HDAC9: variants seen among roughly 807,000 people sequenced by gnomAD.
HDAC9 encodes the protein histone deacetylase 9.
A neutral mutation model predicts 139.4 loss-of-function variants in HDAC9; 41 were observed. That is an observed-to-expected ratio of 0.29 (90% CI 0.23 to 0.38). The LOEUF is 0.38. HDAC9 is among the 10% of genes least tolerant of loss of function. HDAC9 has a pLI of 1.00. For synonymous variants in HDAC9, 517 were observed against 476.2 expected, an observed-to-expected ratio of 1.09 and a Z score of -1.12; for missense variants, 1,147 against 1,297.0, an observed-to-expected ratio of 0.88 and a Z score of 1.78.
chr7:18,456,559 A>G (rs1166737617), intron 1 of HDAC9, among the ~76,000 whole-genome samples: 1 of 152,084 alleles, frequency 6.6e-6, no homozygotes, highest in African/African-American at 2.4e-5. Flanking sequence ...GAGCTTATAT[A>G]TACTCACCAC....
chr7:18,312,266 T>G (rs1266858288), intron 1 of HDAC9, among the ~76,000 whole-genome samples: 1 of 152,204 alleles, frequency 6.6e-6, no homozygotes, highest in African/African-American at 2.4e-5. Flanking sequence ...CATCTTTTCC[T>G]TGGTTGTCTC....
At chr7:18,353,035 C>G (rs999913503) in intron 1 of HDAC9, among the ~76,000 whole-genome samples, 1 of 152,084 alleles carries the variant, frequency 6.6e-6, no homozygotes, top group Non-Finnish European at 1.5e-5. Context: ...GTCATAGCAT[C>G]TAAGGTTTCT....
chr7:18,167,841 C>A (rs1470386763), intron 2 of HDAC9, among the ~76,000 whole-genome samples: 1 of 152,082 alleles, frequency 6.6e-6, no homozygotes, highest in Non-Finnish European at 1.5e-5. Context: ...AACAGCTGGC[C>A]TCTCTCTACC....
At chr7:18,973,833 C>T (rs1003260602) in intron 24 of HDAC9, among the ~76,000 whole-genome samples, 1 of 152,122 alleles carries the variant, frequency 6.6e-6, no homozygotes, top group Non-Finnish European at 1.5e-5. Context: ...GGACTTTTGC[C>T]AAGATGTGAA....
chr7:18,736,215 A>G (rs1786878929), intron 13 of HDAC9, among the ~76,000 whole-genome samples: 2 of 152,184 alleles, frequency 1.3e-5, no homozygotes, highest in African/African-American at 4.8e-5. Flanking sequence ...TTCTAATTGA[A>G]TACCCTTTAT....
chr7:18,117,812 C>T (rs990114648), intron 1 of HDAC9, among the ~76,000 whole-genome samples: 2 of 152,122 alleles, frequency 1.3e-5, no homozygotes, highest in Non-Finnish European at 2.9e-5. Context: ...TACTTTGTTA[C>T]GGCAGCCCTA....
At chr7:18,623,922 G>C (rs1840917113) in intron 6 of HDAC9, among the ~76,000 whole-genome samples, 1 of 152,174 alleles carries the variant, frequency 6.6e-6, no homozygotes, top group Admixed American at 6.6e-5. Context: ...ATGGGCGACA[G>C]AGCAAGACTC....
chr7:18,164,073 G>A (rs1391789019), intron 2 of HDAC9, among the ~76,000 whole-genome samples: 2 of 152,116 alleles, frequency 1.3e-5, no homozygotes, highest in South Asian at 2.1e-4. Context: ...AAATTTCCTC[G>A]TGTACTTTTT....
chr7:18,138,643 G>A (rs1235064999), intron 1 of HDAC9, among the ~76,000 whole-genome samples: 2 of 151,916 alleles, frequency 1.3e-5, no homozygotes, highest in African/African-American at 2.4e-5. Flanking sequence ...GAGTGGGGCA[G>A]GCTGCAACCT....
Position 18,316,810 on chromosome 7 carries a change from C to G in HDAC9, c.-42+26295C>G, listed in dbSNP as rs190919889. Among the ~76,000 whole-genome samples, 1,198 of 151,812 alleles carry G rather than the reference C, an allele frequency of 7.9e-3. 3 individuals carry two copies. Among genetic ancestry groups the G allele is most frequent in the Non-Finnish European group, 0.011 (753 of 67,936 alleles). ...CCAGCCTGGGTGACAGAGCAAGCCTCTGTCTCAAAAATAAAAAATAAGAAA... is the reference window on the plus strand; with the variant it reads ...CCAGCCTGGGTGACAGAGCAAGCCTGTGTCTCAAAAATAAAAAATAAGAAA... On this transcript the variant is annotated intron_variant, in intron 1 of 3. Transcript: ENST00000413509.
intron 17 of HDAC9, among the ~76,000 whole-genome samples, chr7:18,797,039 A>G (rs1585053076): frequency 1.3e-5 from 2 of 152,230 alleles, no homozygotes; most frequent in East Asian, 1.9e-4. Context: ...TTATGATGTC[A>G]TGTTGCTAAT....
Position 18,975,890 on chromosome 7 carries a change from C to T in HDAC9, c.3107C>T (p.Thr1036Ile), listed in dbSNP as rs1238296362. 1.2e-6 allele frequency: 2 copies of T among 1,613,738 alleles called. No homozygotes were observed. The highest frequency in any genetic ancestry group is 1.7e-6 in the Non-Finnish European group (2 of 1,179,854). The stretch of plus-strand genomic sequence containing the variant: ...GCTCAGTTGCAAGAGGAGACAGAGA[C>T]CGTTTCTGCCCTGGCCTCCCTAACA... ...AGAQLQEETE[T>I]VSALASLTVD... is the part of the protein sequence containing the mutation. Residue 1036 changes from threonine to isoleucine, a missense_variant, in exon 25 of 26, where the codon ACC becomes ATC. Thr to Ile is a moderately conservative substitution (Grantham distance 89, BLOSUM62 -1). Coordinates refer to ENST00000686413, the MANE Select transcript of HDAC9 (RefSeq NM_178425.4).
intron 12 of HDAC9, among the ~76,000 whole-genome samples, chr7:18,698,921 G>A (rs536404198): frequency 6.6e-6 from 1 of 152,300 alleles, no homozygotes; most frequent in African/African-American, 2.4e-5. Context: ...AAGCATGAAA[G>A]GTTAGCAACA....
chr7:18,813,465 G>A (rs1794337906), intron 17 of HDAC9, among the ~76,000 whole-genome samples: 1 of 152,054 alleles, frequency 6.6e-6, no homozygotes. Context: ...GCTCTTTGTT[G>A]TTTCCAATTT....
At chr7:18,540,204 C>T (rs372174621) in intron 2 of HDAC9, among the ~76,000 whole-genome samples, 3 of 133,822 alleles carry the variant, frequency 2.2e-5, no homozygotes, top group African/African-American at 5.7e-5. Context: ...ACCCGGGAAG[C>T]GGAGGTTGCA....
In HDAC9 at chr7:18,762,240, C is replaced by G. The variant is rs369887503; in HGVS notation, c.2127C>G (p.Pro709=). The G allele has an allele frequency of 6.2e-7, 1 of 1,613,524 alleles. No individual in the cohort carries two copies. Among genetic ancestry groups the G allele is most frequent in the Admixed American group, 1.7e-5 (1 of 59,962 alleles). ...EHHSLLYGTN[P]LDGQKLDPRI... ...ACTCACTGTTGTATGGCACCAACCC[C>G]CTGGACGGACAGAAGCTGGACCCCA... The change falls in exon 15 of 26, where the codon CCC becomes CCG. Residue 709 remains proline (P), a synonymous_variant. Coordinates refer to ENST00000686413, the MANE Select transcript of HDAC9 (RefSeq NM_178425.4).
At chr7:18,188,673 G>C (rs774486535) in intron 2 of HDAC9, among the ~76,000 whole-genome samples, 4 of 152,286 alleles carry the variant, frequency 2.6e-5, no homozygotes, top group Non-Finnish European at 5.9e-5. Flanking sequence ...CTATCAAAAA[G>C]TGGGCAAAGG....
At chr7:18,350,938 C>T (rs552471770) in intron 1 of HDAC9, among the ~76,000 whole-genome samples, 2 of 152,210 alleles carry the variant, frequency 1.3e-5, no homozygotes, top group South Asian at 2.1e-4. Flanking sequence ...CTGGTCGACC[C>T]GTGCTTGGTG....
At chr7:18,504,243 T>C (rs1799148668) in intron 2 of HDAC9, among the ~76,000 whole-genome samples, 1 of 152,202 alleles carries the variant, frequency 6.6e-6, no homozygotes, top group Non-Finnish European at 1.5e-5. Context: ...CACCCGTTTT[T>C]GTTTTTTTCT....
Sources: allele counts gnomAD v4.1 joint callset (sites outside exome capture counted in the v4.1 genomes callset), GRCh38; gene constraint gnomAD v4.1.1; transcripts MANE v1.5; gene names NCBI Gene and HGNC (gene_info 2026-07-23, HGNC 2026-07-21).